The following NEXN variants were observed in gnomAD, a reference collection of about 807,000 sequenced individuals.
NEXN encodes the protein nexilin.
Under a neutral mutation model 92.6 loss-of-function variants are expected in NEXN, and 65 were observed. The observed-to-expected ratio is 0.70, with a 90% CI of 0.57 to 0.86. The LOEUF (loss-of-function observed/expected upper bound fraction) is 0.86, where lower values mean the gene tolerates loss of function less well. Ranked by LOEUF, NEXN falls within the 40% of genes least tolerant of loss-of-function variation. The pLI is 0.00. For missense variants in NEXN, 778 were observed against 771.1 expected, an observed-to-expected ratio of 1.01 and a Z score of -0.11; for synonymous variants, 254 against 242.5, an observed-to-expected ratio of 1.05 and a Z score of -0.44.
intron 5 of NEXN, chr1:77,924,142 A>G: frequency 5.8e-6 from 1 of 173,214 alleles, no homozygotes; most frequent in Non-Finnish European, 1.2e-5. Context: ...CACGCAGATC[A>G]CTTGGGGTCA....
intron 1 of NEXN, among the ~76,000 whole-genome samples, chr1:77,911,474 C>G (rs2102073054): frequency 6.6e-6 from 1 of 152,160 alleles, no homozygotes; most frequent in East Asian, 1.9e-4. Flanking sequence ...CACCTGTAAT[C>G]CCAGCTACTT....
At chr1:77,902,916 G>A (rs1163516191) in intron 1 of NEXN, among the ~76,000 whole-genome samples, 2 of 152,036 alleles carry the variant, frequency 1.3e-5, no homozygotes, top group Non-Finnish European at 2.9e-5. Flanking sequence ...TACCTCCTTG[G>A]TAAAGAAGTG....
intron 5 of NEXN, among the ~76,000 whole-genome samples, chr1:77,919,726 A>C (rs1278877441): frequency 6.6e-6 from 1 of 151,690 alleles, no homozygotes; most frequent in Non-Finnish European, 1.5e-5. Context: ...CAACCTCCTG[A>C]GTAGCAGGGA....
In NEXN at chr1:77,935,067, CTTTT is replaced by C. The variant is rs1240889893; in HGVS notation, c.1252-753_1252-750del. 3.9e-5 allele frequency among the ~76,000 whole-genome samples: 6 copies of C among 152,246 alleles called. No homozygotes were observed. The East Asian group carries it at 5.8e-4, about 15-fold the overall frequency. ...CTCATATGACTCCTAGTCCAGTGTTCTTTTTTGTTTGTTTGAGACAAAGTCTTGC... is the reference window on the plus strand; with the variant it reads ...CTCATATGACTCCTAGTCCAGTGTTCTTGTTTGTTTGAGACAAAGTCTTGC... On this transcript the variant is annotated intron_variant, in intron 10 of 12. Coordinates refer to ENST00000334785, the MANE Select transcript of NEXN (RefSeq NM_144573.4).
At chr1:77,925,307 A>T in intron 6 of NEXN, 78 bp downstream of exon 6, 1 of 972,494 alleles carries the variant, frequency 1.0e-6, no homozygotes, top group Non-Finnish European at 1.6e-6. Flanking sequence ...ATAAGAAAAA[A>T]CTAAAAGAGC....
intron 2 of NEXN, 44 bp downstream of exon 2, chr1:77,916,177 G>A (rs1648962115): frequency 1.3e-6 from 2 of 1,488,876 alleles, no homozygotes; most frequent in South Asian, 1.2e-5. Flanking sequence ...GGGAAATGTA[G>A]AGTTGACTGT....
At chr1:77,937,902 G>A (rs747484202) in intron 11 of NEXN, among the ~76,000 whole-genome samples, 16 of 152,124 alleles carry the variant, frequency 1.1e-4, no homozygotes, top group Non-Finnish European at 1.8e-4. Context: ...GCAGAGTAAG[G>A]GAAATAAGAG....
chr1:77,922,965 T>G (rs950499723), intron 5 of NEXN, among the ~76,000 whole-genome samples: 9 of 151,370 alleles, frequency 5.9e-5, no homozygotes, highest in Non-Finnish European at 1.2e-4. Context: ...TTTAACAAAC[T>G]TTGCTCAGAA....
intron 9 of NEXN, among the ~76,000 whole-genome samples, chr1:77,931,458 A>C (rs979726924): frequency 6.6e-5 from 10 of 151,028 alleles, no homozygotes; most frequent in African/African-American, 1.9e-4. Context: ...GTAGAAGAGA[A>C]GTAACTGTGA....
chr1:77,918,396 G>T, intron 5 of NEXN, 123 bp downstream of exon 5: 1 of 1,145,836 alleles, frequency 8.7e-7, no homozygotes, highest in Non-Finnish European at 1.3e-6. Flanking sequence ...GCAGCTAACC[G>T]TCTGGGAATG....
rs535580907 is a variant in NEXN, at chr1:77,910,247, T to C, written c.-52-5808T>C. Among the ~76,000 whole-genome samples, 5 of 152,306 alleles carry C rather than the reference T, an allele frequency of 3.3e-5. No individual in the cohort carries two copies. In the South Asian group the frequency reaches 1.0e-3, roughly 32 times the overall value. On this transcript the variant is annotated intron_variant, in intron 1 of 12. Coordinates refer to ENST00000334785, the MANE Select transcript of NEXN (RefSeq NM_144573.4). ...ACTTAACAGTGAAAGACTGGACATA[T>C]TTCTCCTAAGATCAGGAACAAGACA... is the stretch of plus-strand genomic sequence containing the variant.
chr1:77,888,973 T>A (rs560212066), intron 1 of NEXN: 1 of 153,014 alleles, frequency 6.5e-6, no homozygotes, highest in South Asian at 2.1e-4. Context: ...TGGAGCCGCA[T>A]CCTGCGGGCT....
At chr1:77,920,958 G>A (rs1456686844) in intron 5 of NEXN, among the ~76,000 whole-genome samples, 1 of 152,018 alleles carries the variant, frequency 6.6e-6, no homozygotes, top group Non-Finnish European at 1.5e-5. Context: ...TGAATATCTG[G>A]TCTCTGTGAA....
At chr1:77,901,078 C>A (rs1398242622) in intron 1 of NEXN, among the ~76,000 whole-genome samples, 3 of 152,166 alleles carry the variant, frequency 2.0e-5, no homozygotes, top group Non-Finnish European at 4.4e-5. Context: ...CTTGATATGA[C>A]TCAATTAGGA....
intron 9 of NEXN, among the ~76,000 whole-genome samples, chr1:77,932,358 A>G (rs1650377851): frequency 6.6e-6 from 1 of 152,240 alleles, no homozygotes. Flanking sequence ...TAACTACTTC[A>G]TAGGGTCATA....
In NEXN at chr1:77,929,479, C is replaced by T. The variant is rs769073940; in HGVS notation, c.1028C>T (p.Ala343Val). 151 of 1,612,556 alleles carry T rather than the reference C, an allele frequency of 9.4e-5. 2 individuals are homozygous for T. The South Asian group carries it at 1.5e-3, about 16-fold the overall frequency. The change falls in exon 9 of 13, where the codon GCG becomes GTG. Residue 343 changes from alanine (A) to valine (V), a missense_variant. Physicochemically the swap from Ala to Val is moderately conservative, Grantham distance 64. Transcript: ENST00000334785. ...AGGAGAATAGAGGAAGAAAAGAAGG[C>T]GTTTGCTGAAGCAAGGAGAAATATG... ...ARRRIEEEKK[A>V]FAEARRNMVV...
intron 1 of NEXN, among the ~76,000 whole-genome samples, chr1:77,911,936 G>T (rs141562966): frequency 0.012 from 1,768 of 151,460 alleles, 33 homozygotes; most frequent in African/African-American, 0.042. Context: ...AAAATTAGCT[G>T]GATGTGGTGG....
chr1:77,943,213 G>A lies in NEXN; in HGVS notation c.*384G>A, dbSNP rs1423278362. The A allele has an allele frequency of 4.7e-6, 1 of 213,272 alleles. No individual in the cohort carries two copies. Among genetic ancestry groups the A allele is most frequent in the Non-Finnish European group, 9.6e-6 (1 of 104,180 alleles). The allele number at this position is 213,272 out of a possible 1,614,324, so 13.2% of individuals were successfully genotyped here. ...ACTGTATTTCCCATAGACGTTTACA[G>A]CAACTATGTTTAAAAAACAAAAACA... is the stretch of plus-strand genomic sequence containing the variant. On this transcript the variant is annotated 3_prime_UTR_variant, in exon 13 of 13. Transcript: ENST00000334785.
rs780047506 is a variant in NEXN at position 77,926,790 on chromosome 1, G to A, written c.762G>A (p.Leu254=). 5 of 1,613,790 alleles carry A rather than the reference G, an allele frequency of 3.1e-6. No individual in the cohort carries two copies. In the Admixed American group the frequency reaches 5.0e-5, roughly 16 times the overall value. The change falls in exon 8 of 13, where the codon CTG becomes CTA. Residue 254 remains leucine (L), a synonymous_variant. Transcript: ENST00000334785. The part of the protein sequence containing the change: ...PGKLKLTFEE[L]ERQRQENRKK... ...AATTGAAACTAACTTTTGAAGAACT[G>A]GAGCGACAAAGACAAGAAAACCGAA...
Sources: allele counts gnomAD v4.1 joint callset (sites outside exome capture counted in the v4.1 genomes callset), GRCh38; gene constraint gnomAD v4.1.1; transcripts MANE v1.5; gene names NCBI Gene and HGNC (gene_info 2026-07-23, HGNC 2026-07-21).